The following UBXN2A variants were observed in gnomAD, a reference collection of about 807,000 sequenced individuals.
The protein encoded by UBXN2A is UBX domain protein 2A.
A neutral mutation model predicts 28.4 loss-of-function variants in UBXN2A; 28 were observed. That is an observed-to-expected ratio of 0.99 (90% confidence interval 0.73 to 1.35). The LOEUF (loss-of-function observed/expected upper bound fraction) is 1.35. Ranked by LOEUF, UBXN2A falls within the 40% of genes most tolerant of loss-of-function variation. The pLI, the probability that UBXN2A is intolerant of heterozygous loss-of-function variation, is 0.00. For missense variants in UBXN2A, 253 were observed against 297.9 expected (o/e 0.85, Z 1.11); for synonymous variants, 97 against 103.6 (o/e 0.94, Z 0.39).
intron 1 of UBXN2A, among the ~76,000 whole-genome samples, chr2:23,932,472 A>ACC (rs1459588743): frequency 6.6e-6 from 1 of 151,422 alleles, no homozygotes; most frequent in Non-Finnish European, 1.5e-5. Flanking sequence ...AAATGCACCA[A>ACC]CCTTCACTCA....
chr2:23,973,022 T>C (rs532398832), intron 3 of UBXN2A, among the ~76,000 whole-genome samples: 4 of 152,272 alleles, frequency 2.6e-5, no homozygotes, highest in African/African-American at 9.6e-5. Context: ...AAAGAATGGT[T>C]TACATACAGA....
intron 6 of UBXN2A, among the ~76,000 whole-genome samples, chr2:23,986,171 G>A (rs543629034): frequency 3.4e-4 from 52 of 151,904 alleles, no homozygotes; most frequent in Admixed American, 6.6e-4. Flanking sequence ...TTAGCCGGGC[G>A]TGGTGGTGGG....
chr2:23,959,830 A>G (rs1005894150), intron 2 of UBXN2A, among the ~76,000 whole-genome samples: 1 of 152,212 alleles, frequency 6.6e-6, no homozygotes, highest in African/African-American at 2.4e-5. Flanking sequence ...AGTGGGAGCT[A>G]GTTACATCCT....
At chr2:23,990,726 A>G (rs1331993489) in intron 6 of UBXN2A, among the ~76,000 whole-genome samples, 1 of 151,650 alleles carries the variant, frequency 6.6e-6, no homozygotes, top group Non-Finnish European at 1.5e-5. Flanking sequence ...GTGAGCTGAA[A>G]TCACACCACT....
intron 2 of UBXN2A, among the ~76,000 whole-genome samples, chr2:23,966,609 C>T (rs1226503291): frequency 6.7e-6 from 1 of 149,484 alleles, no homozygotes; most frequent in Non-Finnish European, 1.5e-5. Flanking sequence ...CCCGCCACCA[C>T]ACCTGGCTAA....
chr2:23,954,602 C>A (rs1350684870), intron 1 of UBXN2A, among the ~76,000 whole-genome samples: 1 of 152,056 alleles, frequency 6.6e-6, no homozygotes, highest in African/African-American at 2.4e-5. Context: ...AATAGCCATC[C>A]TAGTGGGTGT....
chr2:23,978,387 T>G (rs1573586685), intron 4 of UBXN2A, among the ~76,000 whole-genome samples: 1 of 152,196 alleles, frequency 6.6e-6, no homozygotes, highest in Non-Finnish European at 1.5e-5. Flanking sequence ...CTCATGCCTG[T>G]CATCCCAGCA....
At chr2:23,969,029 A>T (rs184521190) in intron 2 of UBXN2A, 1 of 150,384 alleles carries the variant, frequency 6.6e-6, no homozygotes, top group East Asian at 2.0e-4. Context: ...AGTAGCTGGG[A>T]CTACAGGTAC....
chr2:23,948,149 C>T (rs1162511092), intron 1 of UBXN2A, among the ~76,000 whole-genome samples: 1 of 150,694 alleles, frequency 6.6e-6, no homozygotes, highest in African/African-American at 2.4e-5. Flanking sequence ...GCAACTGTGC[C>T]GGGCTTTTAA....
At chr2:23,937,006 C>T (rs767512164), upstream of UBXN2A, among the ~76,000 whole-genome samples, 1 of 152,008 alleles carries the variant, frequency 6.6e-6, no homozygotes, top group Non-Finnish European at 1.5e-5. Flanking sequence ...CCACCGTGCC[C>T]GGCCTCATCA....
intron 2 of UBXN2A, among the ~76,000 whole-genome samples, chr2:23,964,410 A>G (rs1707077676): frequency 6.6e-6 from 1 of 152,244 alleles, no homozygotes; most frequent in African/African-American, 2.4e-5. Flanking sequence ...GGGTTTCACC[A>G]TGTTGGTCAG....
rs1186713449 is a variant in UBXN2A, at chr2:23,940,501, A to G, written c.-162A>G. The G allele has an allele frequency of 1.3e-5, 2 of 151,044 alleles. No individual in the cohort carries two copies. The highest frequency in any genetic ancestry group is 3.0e-5 in the Non-Finnish European group (2 of 67,722). 9.4% of individuals were successfully genotyped at this position (151,044 alleles called of 1,614,324 possible). On this transcript the variant is annotated 5_prime_UTR_variant, in exon 1 of 7. Transcript: ENST00000309033. ...GCGAAGACCGAGAGAGGCTGGCGGG[A>G]TCTCAGCGGCGCGGCCGCGGAACCT...
chr2:23,979,450 A>G (rs1485351444), intron 4 of UBXN2A, among the ~76,000 whole-genome samples: 2 of 152,196 alleles, frequency 1.3e-5, no homozygotes, highest in Non-Finnish European at 2.9e-5. Flanking sequence ...CCATAGATGC[A>G]TATATACTAT....
At chr2:23,986,670 C>T (rs1381175743) in intron 6 of UBXN2A, among the ~76,000 whole-genome samples, 7 of 150,608 alleles carry the variant, frequency 4.6e-5, no homozygotes, top group Non-Finnish European at 8.9e-5. Flanking sequence ...TGCAGTGGCA[C>T]GATCTCAGCT....
At chr2:23,971,735 C>T (rs1358269688) in intron 3 of UBXN2A, among the ~76,000 whole-genome samples, 1 of 152,126 alleles carries the variant, frequency 6.6e-6, no homozygotes, top group African/African-American at 2.4e-5. Context: ...AGTAGTTCTC[C>T]TGCCTTGGTT....
chr2:23,941,564 C>T (rs192959266), intron 1 of UBXN2A, among the ~76,000 whole-genome samples: 13 of 152,338 alleles, frequency 8.5e-5, no homozygotes, highest in African/African-American at 2.9e-4. Flanking sequence ...GAAGCTCACA[C>T]TTACTGAGCA....
chr2:23,983,342 C>G (rs910672046), intron 5 of UBXN2A, among the ~76,000 whole-genome samples: 1 of 152,046 alleles, frequency 6.6e-6, no homozygotes, highest in African/African-American at 2.4e-5. Flanking sequence ...CCCGTCTCTA[C>G]TAAAAATACA....
At chr2:23,936,779 C>G (rs1380456560), upstream of UBXN2A, among the ~76,000 whole-genome samples, 1 of 152,064 alleles carries the variant, frequency 6.6e-6, no homozygotes, top group Non-Finnish European at 1.5e-5. Flanking sequence ...GGCGTGATCT[C>G]GGCTCACTGC....
intron 3 of UBXN2A, among the ~76,000 whole-genome samples, chr2:23,972,972 A>G (rs148667127): frequency 3.9e-5 from 6 of 152,328 alleles, no homozygotes; most frequent in East Asian, 1.9e-4. Context: ...TTTGAGATCA[A>G]TAAACTGTCT....
Sources: gnomAD v4.1 joint callset for allele counts (sites outside exome capture counted in the v4.1 genomes callset) on GRCh38, gnomAD v4.1.1 for gene constraint, MANE v1.5 for transcripts, NCBI Gene and HGNC (gene_info 2026-07-23, HGNC 2026-07-21) for gene names.